Variants in PABIR3 observed in about 807,000 individuals in gnomAD.
The protein encoded by PABIR3 is PABIR family member 1.
A neutral mutation model predicts 23.1 loss-of-function variants in PABIR3; 20 were observed. The ratio of observed to expected loss-of-function variants is 0.86; its 90% CI spans 0.61 to 1.26. The LOEUF is 1.26. Among genes scored for constraint, PABIR3 ranks in the 50% most tolerant of loss-of-function variants. The pLI, the probability that PABIR3 is intolerant of heterozygous loss-of-function variation, is 0.00. For missense variants in PABIR3, 189 were observed against 195.4 expected, an observed-to-expected ratio of 0.97 and a Z score of 0.20; for synonymous variants, 69 against 68.5, an observed-to-expected ratio of 1.01 and a Z score of -0.04.
chrX:134,835,251 G>A (rs2081938843), intron 4 of PABIR3: 1 of 106,957 alleles, frequency 9.3e-6, no homozygotes. Context: ...TAAGTAGAGA[G>A]GGGGTTTCAT....
intron 2 of PABIR3, chrX:134,809,574 C>T (rs2080512042): frequency 1.3e-6 from 1 of 753,072 alleles, no homozygotes; most frequent in Non-Finnish European, 1.6e-6. Flanking sequence ...GCATTCACTA[C>T]ATATGTTACT....
At chrX:134,862,803 C>G in the PABIR3 span, among the ~76,000 whole-genome samples, 3 of 111,944 alleles carry the variant, frequency 2.7e-5, no homozygotes, top group Non-Finnish European at 5.6e-5. Flanking sequence ...AAGCTCTACT[C>G]ATTTAAACAT....
intron 3 of PABIR3, among the ~76,000 whole-genome samples, chrX:134,826,185 GC>G (rs1299491114): frequency 9.0e-6 from 1 of 110,815 alleles, no homozygotes; most frequent in Non-Finnish European, 1.9e-5. Flanking sequence ...CACGCTTTTG[GC>G]CTCAGAGTCC....
intron 3 of PABIR3, among the ~76,000 whole-genome samples, chrX:134,825,250 C>G: frequency 8.9e-6 from 1 of 112,261 alleles, no homozygotes; most frequent in Non-Finnish European, 1.9e-5. Context: ...AAATACTTAG[C>G]ATATAATTCA....
chrX:134,807,261 G>A lies in PABIR3; in HGVS notation c.-140G>A. ...TGTTTTGGCCGGAAAGGCTTACCAT[G>A]AGTTGCCAGGGCTGAGAGAGATGGA... On this transcript the variant is annotated 5_prime_UTR_variant, in exon 1 of 11. It removes an upstream start codon present in the reference 5' UTR. Coordinates refer to ENST00000645433, the MANE Select transcript of PABIR3 (RefSeq NM_001388447.1). 1.1e-6 allele frequency: 1 copy of A among 899,549 alleles called. No homozygotes were observed. Among genetic ancestry groups the A allele is most frequent in the South Asian group, 6.0e-5 (1 of 16,682 alleles). 74.1% of individuals were successfully genotyped at this position (899,549 alleles called of 1,213,427 possible). A position where few individuals can be genotyped will look rare whatever the true frequency, so the allele number is the denominator to read the frequency against.
chrX:134,839,975 AAAG>A (rs1461189623), intron 4 of PABIR3, among the ~76,000 whole-genome samples: 3 of 112,568 alleles, frequency 2.7e-5, no homozygotes, highest in African/African-American at 9.7e-5. Flanking sequence ...GTCTGTGTAG[AAAG>A]AAGTAGACAT....
At chrX:134,838,647 T>A (rs1202760790) in intron 4 of PABIR3, 1 of 3,463 alleles carries the variant, frequency 2.9e-4, no homozygotes, top group Admixed American at 2.6e-3. Flanking sequence ...CCTCTCCCTC[T>A]CCCCCTCCCC....
intron 3 of PABIR3, 131 bp downstream of exon 3, chrX:134,814,980 C>T: frequency 4.2e-6 from 2 of 481,808 alleles, no homozygotes; most frequent in East Asian, 7.6e-5. Flanking sequence ...GTCTCACCCC[C>T]AGGGTTTCTG....
chrX:134,843,632 A>T (rs1279536978), intron 4 of PABIR3, among the ~76,000 whole-genome samples: 2 of 87,580 alleles, frequency 2.3e-5, no homozygotes, highest in Non-Finnish European at 4.1e-5. Flanking sequence ...CAGTGGCGTG[A>T]TCTCGGCTCA....
downstream of PABIR3, among the ~76,000 whole-genome samples, chrX:134,858,812 G>A (rs1246947728): frequency 3.6e-5 from 4 of 111,678 alleles, no homozygotes; most frequent in Non-Finnish European, 5.6e-5. Flanking sequence ...TGTCTATAAC[G>A]TATAGGTGGA....
At chrX:134,803,248 T>G (rs1300586663), upstream of PABIR3, among the ~76,000 whole-genome samples, 1 of 111,748 alleles carries the variant, frequency 8.9e-6, no homozygotes, top group African/African-American at 3.3e-5. Flanking sequence ...AAACAAGTCA[T>G]GCTGCTGGGG....
intron 4 of PABIR3, among the ~76,000 whole-genome samples, chrX:134,841,188 C>T (rs1195541300): frequency 1.8e-5 from 2 of 109,904 alleles, no homozygotes; most frequent in Admixed American, 9.8e-5. Flanking sequence ...ATCTCGAACT[C>T]GTGAGCTCAA....
upstream of PABIR3, among the ~76,000 whole-genome samples, chrX:134,806,003 A>G (rs1336459101): frequency 2.7e-5 from 3 of 112,352 alleles, no homozygotes; most frequent in Admixed American, 2.8e-4. Flanking sequence ...CCAGTTCTCT[A>G]TATGGTTACT....
chrX:134,860,194 C>T, the PABIR3 span, among the ~76,000 whole-genome samples: 1 of 110,453 alleles, frequency 9.1e-6, no homozygotes, highest in Non-Finnish European at 1.9e-5. Flanking sequence ...CCAGTTCAAG[C>T]GATTCTTGTG....
chrX:134,808,726 A>C (rs2080415703), intron 2 of PABIR3, among the ~76,000 whole-genome samples: 1 of 111,910 alleles, frequency 8.9e-6, no homozygotes. Context: ...CATGTTGGCC[A>C]GGCTGGTCTC....
At chrX:134,800,263 G>A (rs1453481557) in intron 1 of PABIR3, among the ~76,000 whole-genome samples, 17 of 103,332 alleles carry the variant, frequency 1.6e-4, no homozygotes, top group African/African-American at 1.1e-4. Flanking sequence ...ATCACACCAC[G>A]GCACTCCAGC....
At chrX:134,823,628 A>T in intron 3 of PABIR3, among the ~76,000 whole-genome samples, 1 of 111,876 alleles carries the variant, frequency 8.9e-6, no homozygotes, top group Middle Eastern at 4.7e-3. Flanking sequence ...ATACATGTAC[A>T]CATATATATC....
At chrX:134,861,313 T>C in the PABIR3 span, among the ~76,000 whole-genome samples, 13 of 108,813 alleles carry the variant, frequency 1.2e-4, no homozygotes, top group South Asian at 4.0e-4. Flanking sequence ...CTGCACAACA[T>C]TGTGAATGTA....
intron 3 of PABIR3, among the ~76,000 whole-genome samples, chrX:134,820,780 A>G (rs2081230970): frequency 9.1e-6 from 1 of 110,497 alleles, no homozygotes; most frequent in Admixed American, 9.9e-5. Context: ...CAGCACTTTC[A>G]GAGGCCGAGG....
Sources: gnomAD v4.1 joint callset for allele counts (sites outside exome capture counted in the v4.1 genomes callset) on GRCh38, gnomAD v4.1.1 for gene constraint, MANE v1.5 for transcripts, NCBI Gene and HGNC (gene_info 2026-07-23, HGNC 2026-07-21) for gene names.